Variants in YJU2 observed in about 807,000 individuals in gnomAD.
YJU2 encodes the protein splicing factor YJU2.
YJU2 carries 28 observed loss-of-function variants against 39.6 expected under a neutral mutation model. The ratio of observed to expected loss-of-function variants is 0.71; its 90% confidence interval spans 0.52 to 0.97. The LOEUF is 0.97. Among genes scored for constraint, YJU2 ranks in the 50% least tolerant of loss-of-function variants. The pLI is 0.00. For missense variants in YJU2, 328 were observed against 430.4 expected (o/e 0.76, Z 2.11); for synonymous variants, 184 against 182.4 (o/e 1.01, Z -0.07).
At position 4,258,225 on chromosome 19, in the gene YJU2, C is replaced by T. The variant is rs756414437; in HGVS notation, c.406-17C>T. ...GCGATCCCCATGCACTCAGCCCCGCCGCCCCGCGCCCGCCAGGTGCTGGAG... is the reference window on the plus strand; with the variant it reads ...GCGATCCCCATGCACTCAGCCCCGCTGCCCCGCGCCCGCCAGGTGCTGGAG... On this transcript the variant is annotated splice_polypyrimidine_tract_variant and intron_variant, in intron 4 of 7. Transcript: ENST00000262962. The T allele has an allele frequency of 1.4e-5, 21 of 1,549,942 alleles. No individual in the cohort carries two copies. The Middle Eastern group carries it at 6.9e-4, about 51-fold the overall frequency.
intron 4 of YJU2, among the ~76,000 whole-genome samples, chr19:4,257,728 C>T (rs945937084): frequency 6.6e-6 from 1 of 152,128 alleles, no homozygotes; most frequent in Non-Finnish European, 1.5e-5. Context: ...TCTGCCTCGG[C>T]CTCCCAAAGT....
Position 4,267,745 on chromosome 19 carries a change from ACGGG to A in YJU2, c.832_835del (p.Gly278SerfsTer22), listed in dbSNP as rs1971127894. 1.9e-6 allele frequency: 3 copies of A among 1,612,674 alleles called. No homozygotes were observed. In the African/African-American group the frequency reaches 4.0e-5, roughly 22 times the overall value. On this transcript the variant is annotated frameshift_variant, in exon 7 of 8. Coordinates refer to ENST00000262962, the MANE Select transcript of YJU2 (RefSeq NM_018074.6). LOFTEE classifies it low-confidence loss of function (END_TRUNC). ...GCAAAGGCCGACCCGGACTGCAGCA[ACGGG>A]CAGCCTCAGGCGGCCCCCACCCCAG...
intron 6 of YJU2, among the ~76,000 whole-genome samples, chr19:4,263,310 G>T (rs1398629977): frequency 6.6e-6 from 1 of 152,120 alleles, no homozygotes; most frequent in East Asian, 1.9e-4. Context: ...CCTGCGCTGT[G>T]GCCACAGCTG....
chr19:4,254,012 G>A (rs1374278340), intron 3 of YJU2, among the ~76,000 whole-genome samples: 1 of 152,142 alleles, frequency 6.6e-6, no homozygotes, highest in African/African-American at 2.4e-5. Flanking sequence ...GTTTCTCCAT[G>A]TTGGCCAGGC....
intron 6 of YJU2, among the ~76,000 whole-genome samples, chr19:4,266,838 T>C (rs1278116140): frequency 2.0e-5 from 3 of 151,994 alleles, no homozygotes; most frequent in Non-Finnish European, 4.4e-5. Context: ...AATGTTAGCC[T>C]GCCATGGTGG....
At chr19:4,255,092 C>T (rs1247463503) in intron 4 of YJU2, among the ~76,000 whole-genome samples, 5 of 147,964 alleles carry the variant, frequency 3.4e-5, no homozygotes, top group East Asian at 2.0e-4. Context: ...AGCATGGTGG[C>T]GCATGCCTGT....
intron 5 of YJU2, 132 bp downstream of exon 5, chr19:4,258,555 C>A: frequency 7.3e-7 from 1 of 1,366,556 alleles, no homozygotes; most frequent in Non-Finnish European, 9.7e-7. Context: ...CCGCCCATCT[C>A]ACTTTCTCCC....
intron 6 of YJU2, among the ~76,000 whole-genome samples, chr19:4,265,439 CT>C (rs149329760): frequency 2.6e-3 from 361 of 138,680 alleles, no homozygotes; most frequent in Middle Eastern, 3.6e-3. Context: ...ATTTTCTTTT[CT>C]TTTTTTTTTT....
chr19:4,260,683 A>ATG, intron 5 of YJU2, among the ~76,000 whole-genome samples: 1 of 150,096 alleles, frequency 6.7e-6, no homozygotes, highest in East Asian at 2.0e-4. Flanking sequence ...CTGGTCTCTA[A>ATG]CCCCTGGCTC....
At chr19:4,258,462 C>G in intron 5 of YJU2, 39 bp downstream of exon 5, 3 of 1,545,732 alleles carry the variant, frequency 1.9e-6, no homozygotes, top group Non-Finnish European at 2.6e-6. Flanking sequence ...CACCTCGCAG[C>G]CTCTGCCCCG....
Position 4,253,356 on chromosome 19 carries a change from C to T in YJU2, c.271-999C>T, listed in dbSNP as rs115215743. On this transcript the variant is annotated intron_variant, in intron 3 of 7. Coordinates refer to ENST00000262962, the MANE Select transcript of YJU2 (RefSeq NM_018074.6). ...ACTTTGGAGGCCAAAGCAGGAGGAT[C>T]GGTTGAGTCCAAGAGTTAGAGACCA... 4.2e-3 allele frequency among the ~76,000 whole-genome samples: 646 copies of T among 152,194 alleles called. 3 individuals are homozygous for T. Among genetic ancestry groups the T allele is most frequent in the African/African-American group, 0.015 (603 of 41,530 alleles).
Position 4,267,767 on chromosome 19 carries a change from C to A in YJU2, c.852C>A (p.Pro284=), listed in dbSNP as rs1338121246. 1 of 1,611,792 alleles carries A rather than the reference C, an allele frequency of 6.2e-7. No individual in the cohort carries two copies. The highest frequency in any genetic ancestry group is 1.3e-5 in the African/African-American group (1 of 75,008). ...GCAACGGGCAGCCTCAGGCGGCCCC[C>A]ACCCCAGGTAAGGTCACAGAGTTCC... is the stretch of plus-strand genomic sequence containing the variant. ...DCSNGQPQAA[P]TPGAPQNRKE... is the part of the protein sequence containing the mutation. Residue 284 remains proline (P), a synonymous_variant, in exon 7 of 8, where the codon CCC becomes CCA. Transcript: ENST00000262962.
At position 4,268,677 on chromosome 19, in the gene YJU2, A is replaced by G. The variant is rs1971137764; in HGVS notation, c.953A>G (p.Asp318Gly). 6.8e-6 allele frequency: 11 copies of G among 1,613,430 alleles called. No individual in the cohort carries two copies. In the East Asian group the frequency reaches 2.2e-4, roughly 33 times the overall value. ...SQLGAYLDSDDSNGSN is the reference protein window; with the variant it reads ...SQLGAYLDSDGSNGSN The stretch of plus-strand genomic sequence containing the variant: ...CTGGGTGCATACCTGGACAGTGACG[A>G]CAGCAACGGCAGCAACTGAGCCCTC... The change falls in exon 8 of 8, where the codon GAC becomes GGC. Residue 318 changes from aspartate to glycine, a missense_variant. Asp to Gly is a moderately conservative substitution (Grantham distance 94). Transcript: ENST00000262962.
At chr19:4,256,996 G>A (rs1001439799) in intron 4 of YJU2, among the ~76,000 whole-genome samples, 3 of 152,188 alleles carry the variant, frequency 2.0e-5, no homozygotes, top group Non-Finnish European at 2.9e-5. Flanking sequence ...CCCCTTAAAT[G>A]GAGGAGCATC....
At chr19:4,255,027 G>A (rs964756841) in intron 4 of YJU2, among the ~76,000 whole-genome samples, 2 of 146,166 alleles carry the variant, frequency 1.4e-5, no homozygotes, top group African/African-American at 5.2e-5. Context: ...CTGCACTCCA[G>A]CCTGGGTGAC....
chr19:4,259,389 T>C (rs992225637), intron 5 of YJU2, among the ~76,000 whole-genome samples: 11 of 151,686 alleles, frequency 7.3e-5, no homozygotes, highest in African/African-American at 2.7e-4. Context: ...GACGCTTTTC[T>C]TTTTCTTTGA....
At position 4,266,610 on chromosome 19, in the gene YJU2, G is replaced by A. The variant is rs187887042; in HGVS notation, c.709-1014G>A. Among the ~76,000 whole-genome samples, 91 of 152,200 alleles carry A rather than the reference G, an allele frequency of 6.0e-4. 2 individuals carry two copies. Among genetic ancestry groups the A allele is most frequent in the Admixed American group, 4.3e-3 (65 of 15,262 alleles). On this transcript the variant is annotated intron_variant, in intron 6 of 7. Coordinates refer to ENST00000262962, the MANE Select transcript of YJU2 (RefSeq NM_018074.6). ...TCCTTGTCCCTCTCCCTCCCCACAC[G>A]GTGAGCTCCGTGAGGGCAGAGCACC...
At chr19:4,266,127 G>T (rs1447856533) in intron 6 of YJU2, among the ~76,000 whole-genome samples, 1 of 151,622 alleles carries the variant, frequency 6.6e-6, no homozygotes, top group African/African-American at 2.4e-5. Flanking sequence ...CTAATTTCTT[G>T]TATTTATAGT....
intron 5 of YJU2, among the ~76,000 whole-genome samples, chr19:4,260,479 G>A (rs929306557): frequency 7.0e-6 from 1 of 142,648 alleles, no homozygotes; most frequent in African/African-American, 2.5e-5. Flanking sequence ...GCTCACGCCC[G>A]TAATCCCAGC....
Sources: allele counts gnomAD v4.1 joint callset (sites outside exome capture counted in the v4.1 genomes callset), GRCh38; gene constraint gnomAD v4.1.1; transcripts MANE v1.5; gene names NCBI Gene and HGNC (gene_info 2026-07-23, HGNC 2026-07-21).